Variants in NAT1 observed in about 807,000 individuals in gnomAD.
NAT1 encodes arylamine N-acetyltransferase 1.
For missense variants in NAT1, 400 were observed against 339.2 expected, an observed-to-expected ratio of 1.18 and a Z score of -1.41; for synonymous variants, 144 against 122.6, an observed-to-expected ratio of 1.17 and a Z score of -1.16.
At chr8:18,173,060 C>T (rs1373757904) in intron 2 of NAT1, among the ~76,000 whole-genome samples, 1 of 152,024 alleles carries the variant, frequency 6.6e-6, no homozygotes, top group Admixed American at 6.6e-5. Context: ...TATTGTCAGG[C>T]AGAGAACAGT....
At position 18,215,336 on chromosome 8, in the gene NAT1, C is replaced by T. The variant is rs6995875; in HGVS notation, c.-85-4075C>T. ...CTTTGCATTGGCTTGTCCTTGACTG[C>T]GTTCTATTTTATTCTATCTTAATTG... On this transcript the variant is annotated intron_variant, in intron 1 of 2. Coordinates refer to ENST00000307719, the MANE Select transcript of NAT1 (RefSeq NM_000662.8). Among the ~76,000 whole-genome samples the T allele has an allele frequency of 4.4e-3, 669 of 152,268 alleles. 4 individuals are homozygous for T. The highest frequency in any genetic ancestry group is 0.011 in the African/African-American group (470 of 41,556).
At chr8:18,182,136 TTATGC>T (rs1283258068) in intron 2 of NAT1, among the ~76,000 whole-genome samples, 1 of 152,200 alleles carries the variant, frequency 6.6e-6, no homozygotes, top group East Asian at 1.9e-4. Flanking sequence ...CTTCTTGTTA[TTATGC>T]TAAAACCAGG....
chr8:18,219,158 C>A (rs1480007103), intron 1 of NAT1, among the ~76,000 whole-genome samples: 1 of 152,070 alleles, frequency 6.6e-6, no homozygotes, highest in African/African-American at 2.4e-5. Context: ...GCTGTGGAAG[C>A]CCCGCTGCTG....
chr8:18,176,192 G>A (rs1209705979), intron 2 of NAT1, among the ~76,000 whole-genome samples: 6 of 152,058 alleles, frequency 3.9e-5, no homozygotes, highest in African/African-American at 1.4e-4. Context: ...CTTTTGCCGT[G>A]CAGAAGTTTC....
chr8:18,209,221 C>A (rs35369046), upstream of NAT1, among the ~76,000 whole-genome samples: 1 of 152,192 alleles, frequency 6.6e-6, no homozygotes, highest in Non-Finnish European at 1.5e-5. Flanking sequence ...TGAGGACATG[C>A]CAAGAGAAAG....
chr8:18,214,671 A>C (rs1804451413), intron 1 of NAT1, among the ~76,000 whole-genome samples: 1 of 152,162 alleles, frequency 6.6e-6, no homozygotes, highest in South Asian at 2.1e-4. Flanking sequence ...ATTTCAGGAA[A>C]ATATTTATCT....
chr8:18,183,082 A>G (rs1802584378), intron 2 of NAT1, among the ~76,000 whole-genome samples: 1 of 152,200 alleles, frequency 6.6e-6, no homozygotes, highest in Non-Finnish European at 1.5e-5. Context: ...GTATTGGCTC[A>G]TAGTTCTGAG....
intron 2 of NAT1, among the ~76,000 whole-genome samples, chr8:18,220,268 C>T (rs1805145736): frequency 6.6e-6 from 1 of 151,920 alleles, no homozygotes; most frequent in African/African-American, 2.4e-5. Context: ...ACACCAAGAA[C>T]AGAGAAAGTT....
chr8:18,217,858 G>A (rs188248158), intron 1 of NAT1, among the ~76,000 whole-genome samples: 25 of 152,260 alleles, frequency 1.6e-4, no homozygotes, highest in African/African-American at 5.8e-4. Context: ...AGGGAATAAT[G>A]AGCCCCTTTT....
chr8:18,216,467 C>T lies in NAT1; in HGVS notation c.-85-2944C>T, dbSNP rs73669211. Among the ~76,000 whole-genome samples the T allele has an allele frequency of 8.2e-3, 1,251 of 152,282 alleles. 21 individuals carry two copies. Among genetic ancestry groups the T allele is most frequent in the African/African-American group, 0.029 (1,198 of 41,542 alleles). On this transcript the variant is annotated intron_variant, in intron 1 of 2. Transcript: ENST00000307719. Reference sequence around the variant, plus strand: ...AATTTGGCTGCTTGAACCAATCTGGCATGGGGAAGAGGACTGGCTTCAGTT... The same window carrying T: ...AATTTGGCTGCTTGAACCAATCTGGTATGGGGAAGAGGACTGGCTTCAGTT...
chr8:18,213,202 G>T (rs374060001), intron 1 of NAT1, among the ~76,000 whole-genome samples: 64 of 151,852 alleles, frequency 4.2e-4, no homozygotes, highest in African/African-American at 1.3e-3. Flanking sequence ...GTGAGCCATT[G>T]CACCAAGACC....
chr8:18,195,195 G>T (rs1332071339), intron 2 of NAT1, among the ~76,000 whole-genome samples: 3 of 152,186 alleles, frequency 2.0e-5, no homozygotes, highest in Admixed American at 6.5e-5. Context: ...CGCCATGTAT[G>T]CAGAATCTCT....
At chr8:18,206,284 C>A (rs1260748022), upstream of NAT1, among the ~76,000 whole-genome samples, 1 of 152,166 alleles carries the variant, frequency 6.6e-6, no homozygotes, top group Non-Finnish European at 1.5e-5. Flanking sequence ...TTCCCCCTCT[C>A]AGTCCACCTT....
At chr8:18,173,177 C>CACACACAA (rs1355268870) in intron 2 of NAT1, among the ~76,000 whole-genome samples, 2 of 150,076 alleles carry the variant, frequency 1.3e-5, no homozygotes, top group East Asian at 2.0e-4. Flanking sequence ...CACACACACA[C>CACACACAA]AATGATCATG....
At chr8:18,178,190 C>T (rs1445973247) in intron 2 of NAT1, among the ~76,000 whole-genome samples, 2 of 151,550 alleles carry the variant, frequency 1.3e-5, no homozygotes, top group African/African-American at 2.4e-5. Flanking sequence ...CAAGAACTCA[C>T]ACTGTATGTT....
At chr8:18,204,496 C>G (rs889605335) in intron 2 of NAT1, among the ~76,000 whole-genome samples, 1 of 152,244 alleles carries the variant, frequency 6.6e-6, no homozygotes, top group Admixed American at 6.5e-5. Context: ...ACTTTAAAAA[C>G]TGAAACATTA....
chr8:18,216,774 G>A (rs1196221556), intron 1 of NAT1: 2 of 646,444 alleles, frequency 3.1e-6, no homozygotes, highest in African/African-American at 3.7e-5. Context: ...GCAGTTGACA[G>A]ACAGATACTG....
chr8:18,177,681 T>C (rs1022794293), intron 2 of NAT1, among the ~76,000 whole-genome samples: 1 of 152,094 alleles, frequency 6.6e-6, no homozygotes, highest in Non-Finnish European at 1.5e-5. Context: ...CAAACAATAA[T>C]GTTTATGTTG....
intron 2 of NAT1, among the ~76,000 whole-genome samples, chr8:18,199,762 A>G (rs1265007612): frequency 2.6e-5 from 4 of 152,196 alleles, no homozygotes; most frequent in African/African-American, 4.8e-5. Flanking sequence ...AGTGGTTATT[A>G]CAGCTGGGGG....
Sources: gnomAD v4.1 joint callset for allele counts (sites outside exome capture counted in the v4.1 genomes callset) on GRCh38, gnomAD v4.1.1 for gene constraint, MANE v1.5 for transcripts, NCBI Gene and HGNC (gene_info 2026-07-23, HGNC 2026-07-21) for gene names.